SLTM: variants seen among roughly 807,000 people sequenced by gnomAD.
The protein encoded by SLTM is SAFB-like transcription modulator.
In SLTM, 43 loss-of-function variants were observed where a neutral mutation model predicts 134.6. The ratio of observed to expected loss-of-function variants is 0.32; its 90% CI spans 0.25 to 0.41. The LOEUF (loss-of-function observed/expected upper bound fraction) is 0.41. Ranked by LOEUF, SLTM falls within the 10% of genes least tolerant of loss-of-function variation. The pLI, the probability that SLTM is intolerant of heterozygous loss-of-function variation, is 1.00. For missense variants in SLTM, 1,055 were observed against 1,288.8 expected (o/e 0.82, Z 2.78); for synonymous variants, 424 against 432.3 (o/e 0.98, Z 0.24).
intron 9 of SLTM, among the ~76,000 whole-genome samples, chr15:58,896,089 C>T (rs1367279808): frequency 6.6e-6 from 1 of 152,174 alleles, no homozygotes; most frequent in African/African-American, 2.4e-5. Context: ...GGATGCGGCT[C>T]ACAATTCAAA....
intron 19 of SLTM, among the ~76,000 whole-genome samples, chr15:58,885,832 A>G (rs2034138145): frequency 6.6e-6 from 1 of 151,900 alleles, no homozygotes; most frequent in Non-Finnish European, 1.5e-5. Flanking sequence ...ACACACACAC[A>G]CACACTGTAT....
intron 2 of SLTM, chr15:58,932,124 C>T: frequency 2.5e-6 from 1 of 403,798 alleles, no homozygotes; most frequent in Admixed American, 3.5e-5. Context: ...TAATTTTTTC[C>T]GGAAGCAATA....
Position 58,886,222 on chromosome 15 carries a change from T to A in SLTM, c.2835+753A>T, listed in dbSNP as rs7183086. 2.2e-3 allele frequency among the ~76,000 whole-genome samples: 119 copies of A among 53,744 alleles called. 1 individual carries two copies. The highest frequency in any genetic ancestry group is 0.011 in the African/African-American group (106 of 9,982). 35.3% of individuals were successfully genotyped at this position (53,744 alleles called of 152,430 possible). On this transcript the variant is annotated intron_variant, in intron 19 of 20. Coordinates refer to ENST00000380516, the MANE Select transcript of SLTM (RefSeq NM_024755.4). Reference sequence around the variant, plus strand: ...ATGAAGCAGGAGAAAAAGAAGAGTGTGTGTGTGTGTGTGTGTGTGTGTGTG... The same window carrying A: ...ATGAAGCAGGAGAAAAAGAAGAGTGAGTGTGTGTGTGTGTGTGTGTGTGTG...
chr15:58,901,000 T>A (rs2035449711), intron 6 of SLTM: 1 of 349,080 alleles, frequency 2.9e-6, no homozygotes, highest in Non-Finnish European at 5.2e-6. Context: ...AAAAATAAAA[T>A]TAAAATTGGG....
At chr15:58,912,428 G>T in intron 5 of SLTM, 135 bp downstream of exon 5, 3 of 824,106 alleles carry the variant, frequency 3.6e-6, no homozygotes, top group Non-Finnish European at 6.0e-6. Flanking sequence ...AGTACTTTGT[G>T]TACATCACGT....
rs773522085 is a variant in SLTM, at chr15:58,888,447, A to G, written c.2313T>C (p.Phe771=). Residue 771 remains phenylalanine, a synonymous_variant, in exon 17 of 21, where the codon TTT becomes TTC. Coordinates refer to ENST00000380516, the MANE Select transcript of SLTM (RefSeq NM_024755.4). ...GAAACCTGCCCCTCTCTCGGTGATCAAAGTCATTAAATCTGTTCTGTTGGC... is the reference window on the plus strand; with the variant it reads ...GAAACCTGCCCCTCTCTCGGTGATCGAAGTCATTAAATCTGTTCTGTTGGC... ...YSRQQNRFND[F]DHRERGRFPE... is the part of the protein sequence containing the mutation. 2 of 1,613,876 alleles carry G rather than the reference A, an allele frequency of 1.2e-6. No individual in the cohort carries two copies. The highest frequency in any genetic ancestry group is 1.1e-5 in the South Asian group (1 of 91,062).
At chr15:58,881,044 C>T (rs1405699857) in intron 20 of SLTM, among the ~76,000 whole-genome samples, 4 of 152,016 alleles carry the variant, frequency 2.6e-5, no homozygotes, top group African/African-American at 9.7e-5. Flanking sequence ...ACAGGCCGGG[C>T]GCAGTGGCTC....
intron 2 of SLTM, 99 bp from the exon 3 acceptor site, chr15:58,917,098 A>C: frequency 9.3e-7 from 1 of 1,073,796 alleles, no homozygotes; most frequent in Non-Finnish European, 1.4e-6. Context: ...CCACTCCCAA[A>C]CTATCTGACA....
intron 4 of SLTM, 50 bp from the exon 5 acceptor site, chr15:58,912,660 C>T (rs370646374): frequency 1.8e-5 from 26 of 1,454,984 alleles, no homozygotes; most frequent in Non-Finnish European, 2.3e-5. Context: ...ATCGGGGTAA[C>T]GTGAGAATGC....
chr15:58,894,019 A>G (rs373820380), intron 11 of SLTM, 32 bp from the exon 12 acceptor site: 202 of 1,602,052 alleles, frequency 1.3e-4, no homozygotes, highest in Non-Finnish European at 1.6e-4. Flanking sequence ...AAAAAACAGA[A>G]TGAGTACTTC....
chr15:58,890,788 A>G (rs1315171555), intron 14 of SLTM, among the ~76,000 whole-genome samples: 1 of 152,218 alleles, frequency 6.6e-6, no homozygotes, highest in Non-Finnish European at 1.5e-5. Context: ...CTGCATATGT[A>G]AATTTACAAA....
chr15:58,880,808 T>C (rs2033637551), intron 20 of SLTM, among the ~76,000 whole-genome samples: 1 of 152,014 alleles, frequency 6.6e-6, no homozygotes, highest in Non-Finnish European at 1.5e-5. Context: ...TCAAAAGATC[T>C]GCCAGCCTTG....
intron 2 of SLTM, chr15:58,921,718 T>C (rs1282358843): frequency 1.2e-5 from 3 of 246,790 alleles, no homozygotes; most frequent in Non-Finnish European, 1.7e-5. Context: ...ACTTTTGGCT[T>C]GTTTTACACA....
chr15:58,886,836 A>T (rs1467615602), intron 19 of SLTM, 139 bp downstream of exon 19: 1 of 1,028,226 alleles, frequency 9.7e-7, no homozygotes, highest in Non-Finnish European at 1.4e-6. Flanking sequence ...TAAAAATTTA[A>T]ATAAAAAATT....
chr15:58,898,630 A>G (rs2035264116), intron 8 of SLTM, 173 bp downstream of exon 8: 1 of 556,780 alleles, frequency 1.8e-6, no homozygotes. Flanking sequence ...CACATCAATC[A>G]GTTTTCTGTA....
chr15:58,890,421 G>A lies in SLTM; in HGVS notation c.1939C>T (p.Arg647Cys), dbSNP rs2034561151. ...IAERERRERE[R>C]IRIIREREER... ...TCCCGTTCACGAATTATTCTAATGC[G>A]TTCTCGCTCTCGACGCTCTCTCTCT... The change falls in exon 15 of 21, where the codon CGC becomes TGC. Residue 647 changes from arginine to cysteine, a missense_variant. Around this residue, in one of 3 missense-constraint regions of SLTM, gnomAD observed 776 missense variants for 962.2 expected, o/e 0.81. Transcript: ENST00000380516. The A allele has an allele frequency of 6.2e-6, 10 of 1,613,700 alleles. No individual in the cohort carries two copies. Among genetic ancestry groups the A allele is most frequent in the South Asian group, 1.1e-5 (1 of 91,038 alleles).
intron 19 of SLTM, among the ~76,000 whole-genome samples, chr15:58,885,414 C>A (rs1432573593): frequency 6.6e-6 from 1 of 152,096 alleles, no homozygotes; most frequent in Non-Finnish European, 1.5e-5. Flanking sequence ...TCTAAAAGGA[C>A]CTCTGAATGC....
chr15:58,897,254 G>A (rs1418549697), intron 8 of SLTM, 21 bp from the exon 9 acceptor site: 3 of 1,331,504 alleles, frequency 2.3e-6, no homozygotes, highest in East Asian at 2.3e-5. Context: ...TTTAATATCA[G>A]ATGTTTAAGT....
chr15:58,908,389 T>C (rs545719413), intron 5 of SLTM, among the ~76,000 whole-genome samples: 3 of 151,468 alleles, frequency 2.0e-5, no homozygotes, highest in Non-Finnish European at 4.4e-5. Flanking sequence ...TTTTTTGAGA[T>C]AGGGTCTTGC....
Sources: gnomAD v4.1 joint callset for allele counts (sites outside exome capture counted in the v4.1 genomes callset) on GRCh38, gnomAD v4.1.1 for gene constraint, gnomAD v4.1.1 regional missense constraint, MANE v1.5 for transcripts, NCBI Gene and HGNC (gene_info 2026-07-23, HGNC 2026-07-21) for gene names.